Variants in ATP6V0D1 observed in about 807,000 individuals in gnomAD.
The protein encoded by ATP6V0D1 is V-type proton ATPase subunit d 1.
ATP6V0D1 carries 13 observed loss-of-function variants against 39.0 expected under a neutral mutation model. The ratio of observed to expected loss-of-function variants is 0.33; its 90% CI spans 0.22 to 0.53. ATP6V0D1 has a LOEUF of 0.53. Ranked by LOEUF, ATP6V0D1 falls within the 20% of genes least tolerant of loss-of-function variation. The probability of loss-of-function intolerance (pLI) is 0.94; values close to 1 mark genes in which losing one functional copy is unlikely to be tolerated. For synonymous variants in ATP6V0D1, 191 were observed against 191.2 expected, an observed-to-expected ratio of 1.00 and a Z score of 0.01; for missense variants, 272 against 470.9, an observed-to-expected ratio of 0.58 and a Z score of 3.91.
rs750837266 is a variant in ATP6V0D1, at chr16:67,453,529, A to G, written c.302+15T>C. On this transcript the variant is annotated intron_variant, in intron 2 of 7. Coordinates refer to ENST00000290949, the MANE Select transcript of ATP6V0D1 (RefSeq NM_004691.5). This position sits in a 1 kb window ranked among gnomAD's most constrained non-coding sequence, Gnocchi z 4.1. ...TGCCCAGGTAAGAGAAGAAGGCGCTACAAAGCACACTCACGTAATGAAGTC... is the reference window on the plus strand; with the variant it reads ...TGCCCAGGTAAGAGAAGAAGGCGCTGCAAAGCACACTCACGTAATGAAGTC... The G allele has an allele frequency of 2.1e-5, 34 of 1,613,760 alleles. 1 individual carries two copies. In the South Asian group the frequency reaches 3.3e-4, roughly 16 times the overall value.
chr16:67,480,969 C>A lies in ATP6V0D1; in HGVS notation c.118G>T (p.Glu40Ter). The A allele has an allele frequency of 6.2e-7, 1 of 1,614,098 alleles. No homozygotes were observed. The highest frequency in any genetic ancestry group is 1.1e-5 in the South Asian group (1 of 91,076). Residue 40 changes from glutamate (E) to a stop codon, truncating the protein, a stop_gained, in exon 1 of 8, where the codon GAG becomes TAG. Transcript: ENST00000290949. LOFTEE classifies it high-confidence loss of function. ...GGCCCCGGCTCACCCTCTAGCGTCT[C>A]GCACTGCACCAGGTTGAGGTAGTCG... ...QADYLNLVQC[E>*]TLEDLKLHLQ...
At chr16:67,471,492 T>C (rs956205782) in intron 1 of ATP6V0D1, among the ~76,000 whole-genome samples, 1 of 151,964 alleles carries the variant, frequency 6.6e-6, no homozygotes, top group African/African-American at 2.4e-5. Context: ...ACGTGGCCTA[T>C]TATTTCTTTG....
intron 2 of ATP6V0D1, among the ~76,000 whole-genome samples, chr16:67,452,924 T>C (rs1012105057): frequency 2.0e-5 from 3 of 152,146 alleles, no homozygotes; most frequent in Non-Finnish European, 4.4e-5. Context: ...CCAAGAGTCA[T>C]AAGAATGGGA....
intron 4 of ATP6V0D1, 148 bp from the exon 5 acceptor site, chr16:67,439,499 C>T: frequency 1.4e-6 from 1 of 699,802 alleles, no homozygotes; most frequent in East Asian, 2.7e-5. Context: ...GCAGCCCTTA[C>T]AGCAAAGCCA....
chr16:67,473,266 G>A (rs912121150), intron 1 of ATP6V0D1, among the ~76,000 whole-genome samples: 7 of 152,116 alleles, frequency 4.6e-5, no homozygotes, highest in African/African-American at 9.7e-5. Context: ...TAATTCATTT[G>A]CCATACAATT....
chr16:67,457,978 C>T (rs1173830502), intron 1 of ATP6V0D1, among the ~76,000 whole-genome samples: 4 of 152,210 alleles, frequency 2.6e-5, no homozygotes, highest in African/African-American at 9.6e-5. Context: ...TGTCAAAGGG[C>T]CGTTCCAGAC....
intron 1 of ATP6V0D1, among the ~76,000 whole-genome samples, chr16:67,458,651 C>T (rs2041263150): frequency 6.6e-6 from 1 of 152,208 alleles, no homozygotes; most frequent in East Asian, 1.9e-4. Flanking sequence ...GGATCTCTCA[C>T]AGTAAAAGAC....
chr16:67,439,583 C>A, intron 4 of ATP6V0D1: 1 of 580,612 alleles, frequency 1.7e-6, no homozygotes. Flanking sequence ...GGGCAGGGCC[C>A]ACCCGACTGT....
rs1278917522 is a variant in ATP6V0D1, at chr16:67,438,513, C to T, written c.*15G>A. On this transcript the variant is annotated 3_prime_UTR_variant, in exon 8 of 8. Transcript: ENST00000290949. ...CACACACAAAGAGTGCAATTGAGAG[C>T]CTTGGGCCAGGACGCTAGAAGATAG... 1 of 1,613,610 alleles carries T rather than the reference C, an allele frequency of 6.2e-7. No homozygotes were observed. Among genetic ancestry groups the T allele is most frequent in the South Asian group, 1.1e-5 (1 of 91,002 alleles).
chr16:67,453,441 C>T lies in ATP6V0D1; in HGVS notation c.302+103G>A. The T allele has an allele frequency of 7.1e-7, 1 of 1,401,682 alleles. No individual in the cohort carries two copies. Among genetic ancestry groups the T allele is most frequent in the Middle Eastern group, 2.1e-4 (1 of 4,740 alleles). The allele number at this position is 1,401,682 out of a possible 1,614,324, so 86.8% of individuals were successfully genotyped here. A position where few individuals can be genotyped will look rare whatever the true frequency, so the allele number is the denominator to read the frequency against. On this transcript the variant is annotated intron_variant, in intron 2 of 7. Coordinates refer to ENST00000290949, the MANE Select transcript of ATP6V0D1 (RefSeq NM_004691.5). The surrounding 1 kb of genome is among the most constrained non-coding windows in gnomAD (Gnocchi z 4.1). ...AGCTGCCATCAGCTCTGACAGCTGA[C>T]ACAGGCACGAAGGCAGCTAGCCTAA...
intron 1 of ATP6V0D1, among the ~76,000 whole-genome samples, chr16:67,479,437 A>ACTC (rs1334241930): frequency 6.6e-6 from 1 of 151,140 alleles, no homozygotes; most frequent in African/African-American, 2.4e-5. Flanking sequence ...CTGGTCTCGA[A>ACTC]CTCCTGCCCT....
At position 67,463,228 on chromosome 16, in the gene ATP6V0D1, G is replaced by A. The variant is rs1400763161; in HGVS notation, c.131-9513C>T. On this transcript the variant is annotated intron_variant, in intron 1 of 7. Transcript: ENST00000290949. ...GTCAGCATAAAGTCCCATTCCCTGC[G>A]GCTCATAAAAACTGGACAGAGGCTG... is the stretch of plus-strand genomic sequence containing the variant. Among the ~76,000 whole-genome samples, 8 of 152,112 alleles carry A rather than the reference G, an allele frequency of 5.3e-5. No individual in the cohort carries two copies. The South Asian group carries it at 6.2e-4, about 12-fold the overall frequency.
chr16:67,438,945 G>A (rs368770804), intron 6 of ATP6V0D1, 26 bp downstream of exon 6: 16 of 1,613,350 alleles, frequency 9.9e-6, no homozygotes, highest in East Asian at 2.2e-5. Context: ...ACATCCAACC[G>A]CTGTCCTGCC....
intron 1 of ATP6V0D1, chr16:67,459,027 T>C (rs904373301): frequency 1.7e-5 from 17 of 982,448 alleles, no homozygotes; most frequent in Admixed American, 6.1e-5. Flanking sequence ...GCAGTCCATG[T>C]AGCCCTGAAG....
intron 2 of ATP6V0D1, among the ~76,000 whole-genome samples, chr16:67,452,965 G>A (rs1204451658): frequency 7.9e-5 from 12 of 152,206 alleles, no homozygotes; most frequent in Admixed American, 4.6e-4. Context: ...GAGGGCTTGC[G>A]TCAGAACTGA....
chr16:67,448,246 G>C (rs1309023156), intron 2 of ATP6V0D1, among the ~76,000 whole-genome samples: 1 of 151,842 alleles, frequency 6.6e-6, no homozygotes, highest in Non-Finnish European at 1.5e-5. Context: ...CAGACACTTG[G>C]GAGGCTGAGG....
In ATP6V0D1 at chr16:67,438,861, G is replaced by A; in HGVS notation, c.826C>T (p.Leu276=). Residue 276 remains leucine (L), a synonymous_variant, in exon 7 of 8, where the codon CTG becomes TTG. Coordinates refer to ENST00000290949, the MANE Select transcript of ATP6V0D1 (RefSeq NM_004691.5). ...NVADYYPEYK[L]LFEGAGSNPG... The stretch of plus-strand genomic sequence containing the variant: ...TTGCTACCTGCACCCTCGAAGAGCA[G>A]CTTGTACTCCTGGCCAGGGGGGTGG... 1 of 1,613,142 alleles carries A rather than the reference G, an allele frequency of 6.2e-7. No homozygotes were observed. The highest frequency in any genetic ancestry group is 1.3e-5 in the African/African-American group (1 of 74,702).
chr16:67,447,928 G>C lies in ATP6V0D1; in HGVS notation c.303-3222C>G, dbSNP rs1041058832. ...CAGTGAGCTGCTAATGACAGTATCT[G>C]TATTCAATCACTTCTGGGTCCTGAA... On this transcript the variant is annotated intron_variant, in intron 2 of 7. Transcript: ENST00000290949. The surrounding 1 kb of genome is among the most constrained non-coding windows in gnomAD (Gnocchi z 4.1). 6.6e-6 allele frequency among the ~76,000 whole-genome samples: 1 copy of C among 152,218 alleles called. No individual in the cohort carries two copies. Among genetic ancestry groups the C allele is most frequent in the Non-Finnish European group, 1.5e-5 (1 of 68,044 alleles).
In ATP6V0D1 at chr16:67,438,888, G is replaced by A; in HGVS notation, c.817-18C>T. On this transcript the variant is annotated intron_variant, in intron 6 of 7. Transcript: ENST00000290949. ...TTGTACTCCTGGCCAGGGGGGTGGG[G>A]GGAAGCACAAGCATGAGGGTTCTGG... The A allele has an allele frequency of 6.2e-7, 1 of 1,613,570 alleles. No individual in the cohort carries two copies. Among genetic ancestry groups the A allele is most frequent in the Non-Finnish European group, 8.5e-7 (1 of 1,179,946 alleles).
Sources: allele counts gnomAD v4.1 joint callset (sites outside exome capture counted in the v4.1 genomes callset), GRCh38; gene constraint gnomAD v4.1.1; non-coding constraint Gnocchi (gnomAD v3.1); transcripts MANE v1.5; gene names NCBI Gene and HGNC (gene_info 2026-07-23, HGNC 2026-07-21).